Variants in RAPGEF6 observed in about 807,000 individuals in gnomAD.
The protein encoded by RAPGEF6 is Rap guanine nucleotide exchange factor 6, also known as PDZ domain containing guanine nucleotide exchange factor (GEF) 2.
A neutral mutation model predicts 171.4 loss-of-function variants in RAPGEF6; 56 were observed. The ratio of observed to expected loss-of-function variants is 0.33; its 90% CI spans 0.26 to 0.41. The LOEUF (loss-of-function observed/expected upper bound fraction) is 0.41, where lower values mean the gene tolerates loss of function less well. Ranked by LOEUF, RAPGEF6 falls within the 10% of genes least tolerant of loss-of-function variation. The probability of loss-of-function intolerance (pLI) is 1.00; values close to 1 mark genes in which losing one functional copy is unlikely to be tolerated. For synonymous variants in RAPGEF6, 692 were observed against 650.1 expected, an observed-to-expected ratio of 1.06 and a Z score of -0.98; for missense variants, 1,674 against 1,921.4, an observed-to-expected ratio of 0.87 and a Z score of 2.41.
At chr5:131,511,843 C>T (rs1433625797) in intron 7 of RAPGEF6, among the ~76,000 whole-genome samples, 1 of 152,048 alleles carries the variant, frequency 6.6e-6, no homozygotes, top group Non-Finnish European at 1.5e-5. Flanking sequence ...CCATCTTAAA[C>T]CCAGAGATTA....
At position 131,472,876 on chromosome 5, in the gene RAPGEF6, C is replaced by A. The variant is rs553033418; in HGVS notation, c.2082-132G>T. On this transcript the variant is annotated intron_variant, in intron 16 of 27. Transcript: ENST00000509018. ...GATTTAAACAACTGAAATACTACAG[C>A]AATTTTTAAAAGACAATTGTAATGA... The A allele has an allele frequency of 6.8e-6, 5 of 731,684 alleles. No homozygotes were observed. The South Asian group carries it at 9.1e-5, about 13-fold the overall frequency. 45.3% of individuals were successfully genotyped at this position (731,684 alleles called of 1,614,324 possible). A position where few individuals can be genotyped will look rare whatever the true frequency, so the allele number is the denominator to read the frequency against.
At chr5:131,471,207 A>G (rs1199345156) in intron 17 of RAPGEF6, among the ~76,000 whole-genome samples, 3 of 152,170 alleles carry the variant, frequency 2.0e-5, no homozygotes, top group Non-Finnish European at 2.9e-5. Context: ...GAAAGTAATG[A>G]CTCATTAAAT....
intron 6 of RAPGEF6, among the ~76,000 whole-genome samples, chr5:131,534,064 C>A (rs1393254193): frequency 6.6e-6 from 1 of 152,018 alleles, no homozygotes; most frequent in Non-Finnish European, 1.5e-5. Context: ...GTTAGTTATA[C>A]CTCCAGGCGG....
At chr5:131,628,037 T>C (rs749576002) in intron 1 of RAPGEF6, among the ~76,000 whole-genome samples, 3 of 152,208 alleles carry the variant, frequency 2.0e-5, no homozygotes, top group African/African-American at 7.2e-5. Context: ...GGGGCCTCCC[T>C]ATTCCCTGAG....
chr5:131,562,195 TA>T (rs1173328078), intron 4 of RAPGEF6, 148 bp from the exon 5 acceptor site: 3 of 538,556 alleles, frequency 5.6e-6, no homozygotes, highest in Admixed American at 3.8e-5. Context: ...TAAGATTTTC[TA>T]AAAAAGAAAG....
At chr5:131,539,773 T>G (rs906534593) in intron 6 of RAPGEF6, among the ~76,000 whole-genome samples, 3 of 152,176 alleles carry the variant, frequency 2.0e-5, no homozygotes, top group Admixed American at 6.6e-5. Flanking sequence ...GCTCTGGATC[T>G]AAACAAAACA....
rs190689065 is a variant in RAPGEF6, at chr5:131,470,052, A to C, written c.2239+2535T>G. 2.2e-3 allele frequency among the ~76,000 whole-genome samples: 337 copies of C among 152,320 alleles called. 1 individual carries two copies. The highest frequency in any genetic ancestry group is 7.9e-3 in the African/African-American group (328 of 41,582). ...ATTTTTGTGTTGTATAAATTACATAAGAAGCTGAATTTGGAATTAACTGGG... is the reference window on the plus strand; with the variant it reads ...ATTTTTGTGTTGTATAAATTACATACGAAGCTGAATTTGGAATTAACTGGG... On this transcript the variant is annotated intron_variant, in intron 17 of 27. Coordinates refer to ENST00000509018, the MANE Select transcript of RAPGEF6 (RefSeq NM_016340.6).
intron 4 of RAPGEF6, among the ~76,000 whole-genome samples, chr5:131,568,376 G>T (rs1040422416): frequency 5.3e-5 from 8 of 150,652 alleles, no homozygotes; most frequent in African/African-American, 2.0e-4. Context: ...CTGTTGCTGA[G>T]TTGGAGTGAA....
intron 14 of RAPGEF6, among the ~76,000 whole-genome samples, 171 bp from the exon 15 acceptor site, chr5:131,489,825 T>C (rs886102432): frequency 6.6e-5 from 10 of 152,142 alleles, no homozygotes; most frequent in African/African-American, 1.7e-4. Flanking sequence ...TTTCTCTATA[T>C]TGTTGTATTT....
At chr5:131,561,794 T>C (rs1470814887) in intron 5 of RAPGEF6, among the ~76,000 whole-genome samples, 184 bp downstream of exon 5, 5 of 152,124 alleles carry the variant, frequency 3.3e-5, no homozygotes, top group South Asian at 2.1e-4. Flanking sequence ...TCACACTCTC[T>C]TGAGGATCAA....
intron 1 of RAPGEF6, among the ~76,000 whole-genome samples, chr5:131,607,248 A>C (rs1764658296): frequency 1.3e-5 from 2 of 152,224 alleles, no homozygotes; most frequent in Non-Finnish European, 1.5e-5. Flanking sequence ...GACTAGTGCC[A>C]CCAGTAAAGA....
intron 23 of RAPGEF6, chr5:131,439,944 T>G (rs1172385824): frequency 2.9e-6 from 2 of 697,254 alleles, no homozygotes; most frequent in Non-Finnish European, 4.5e-6. Flanking sequence ...ATTATATTAG[T>G]TTGTCTGCAC....
Position 131,446,813 on chromosome 5 carries a change from A to G in RAPGEF6, c.3201-110T>C. 3 of 1,004,088 alleles carry G rather than the reference A, an allele frequency of 3.0e-6. 1 individual carries two copies. The Admixed American group carries it at 7.5e-5, about 25-fold the overall frequency. The allele number at this position is 1,004,088 out of a possible 1,614,324, so 62.2% of individuals were successfully genotyped here. On this transcript the variant is annotated intron_variant, in intron 21 of 27. Transcript: ENST00000509018. ...TTAATGCTATTGCATGCTGATGTAA[A>G]TGAGTTAAAAGATGAAGAGCATTAA...
chr5:131,464,273 C>A lies in RAPGEF6; in HGVS notation c.2248G>T (p.Asp750Tyr), dbSNP rs1367461999. ...ACTTTGAAAACTCTTATAACTTGAT[C>A]AGGGATATCTACATAAATAGAAAGA... ...LDFSNPSDIP[D>Y]QVIRVFKVDQ... Residue 750 changes from aspartate to tyrosine, a missense_variant, in exon 18 of 28, where the codon GAT becomes TAT. Coordinates refer to ENST00000509018, the MANE Select transcript of RAPGEF6 (RefSeq NM_016340.6). The A allele has an allele frequency of 1.2e-6, 2 of 1,610,168 alleles. No homozygotes were observed. The highest frequency in any genetic ancestry group is 2.2e-5 in the South Asian group (2 of 90,836).
intron 9 of RAPGEF6, 35 bp from the exon 10 acceptor site, chr5:131,505,557 T>TA: frequency 4.5e-6 from 7 of 1,563,072 alleles, no homozygotes; most frequent in Non-Finnish European, 6.1e-6. Flanking sequence ...TGAATCTTTT[T>TA]AAAAAAGGTA....
At chr5:131,516,780 T>C (rs1480837412) in intron 7 of RAPGEF6, among the ~76,000 whole-genome samples, 1 of 152,228 alleles carries the variant, frequency 6.6e-6, no homozygotes, top group East Asian at 1.9e-4. Context: ...CCTTAATGTA[T>C]ACTTTAAAAT....
intron 1 of RAPGEF6, among the ~76,000 whole-genome samples, chr5:131,632,143 C>G (rs535451087): frequency 6.6e-6 from 1 of 151,014 alleles, no homozygotes; most frequent in Non-Finnish European, 1.5e-5. Flanking sequence ...TCTTTCAGTG[C>G]TCCCCCTCAC....
chr5:131,430,496 C>T (rs930797499), intron 26 of RAPGEF6, among the ~76,000 whole-genome samples: 2 of 152,130 alleles, frequency 1.3e-5, no homozygotes, highest in African/African-American at 4.8e-5. Flanking sequence ...CGTATGCATA[C>T]CAATTGTGGT....
chr5:131,617,416 T>A (rs1472907177), intron 1 of RAPGEF6, among the ~76,000 whole-genome samples: 2 of 152,268 alleles, frequency 1.3e-5, no homozygotes. Flanking sequence ...TAACGTTTAT[T>A]ATCTGTACCA....
Sources: allele counts gnomAD v4.1 joint callset (sites outside exome capture counted in the v4.1 genomes callset), GRCh38; gene constraint gnomAD v4.1.1; transcripts MANE v1.5; gene names NCBI Gene and HGNC (gene_info 2026-07-23, HGNC 2026-07-21).